Variants in ANKRD17 observed in about 807,000 individuals in gnomAD.
ANKRD17 encodes ankyrin repeat domain-containing protein 17.
A neutral mutation model predicts 229.7 loss-of-function variants in ANKRD17; 19 were observed. The ratio of observed to expected loss-of-function variants is 0.08; its 90% CI spans 0.06 to 0.12. The LOEUF (loss-of-function observed/expected upper bound fraction) is 0.12. Ranked by LOEUF, ANKRD17 falls within the 10% of genes least tolerant of loss-of-function variation. The probability of loss-of-function intolerance (pLI) is 1.00; values close to 1 mark genes in which losing one functional copy is unlikely to be tolerated. For missense variants in ANKRD17, 2,176 were observed against 3,176.8 expected, an observed-to-expected ratio of 0.68 and a Z score of 7.57; for synonymous variants, 1,112 against 1,146.1, an observed-to-expected ratio of 0.97 and a Z score of 0.60.
At chr4:73,214,756 C>A (rs186302400) in intron 1 of ANKRD17, among the ~76,000 whole-genome samples, 21 of 149,676 alleles carry the variant, frequency 1.4e-4, no homozygotes, top group African/African-American at 4.9e-4. Context: ...GTAATGCTAG[C>A]GCTTTAGGAG....
In ANKRD17 at chr4:73,121,763, A is replaced by G. The variant is rs1374902762; in HGVS notation, c.3493-4T>C. The G allele has an allele frequency of 6.4e-7, 1 of 1,574,636 alleles. No individual in the cohort carries two copies. Among genetic ancestry groups the G allele is most frequent in the South Asian group, 1.2e-5 (1 of 84,028 alleles). ...GAGCTAACAATAGCTCCACCACCTG[A>G]AAATAAAATAGAAAAAAATATGTTT... On this transcript the variant is annotated splice_region_variant and splice_polypyrimidine_tract_variant and intron_variant, in intron 18 of 33. Transcript: ENST00000358602.
At chr4:73,147,687 A>C (rs1158080237) in intron 8 of ANKRD17, among the ~76,000 whole-genome samples, 1 of 152,120 alleles carries the variant, frequency 6.6e-6, no homozygotes, top group Non-Finnish European at 1.5e-5. Flanking sequence ...GTCGGGTGAT[A>C]AAAGAACTCA....
At chr4:73,146,657 AAAC>A in intron 10 of ANKRD17, 104 bp downstream of exon 10, 2 of 834,062 alleles carry the variant, frequency 2.4e-6, no homozygotes, top group Non-Finnish European at 3.5e-6. Flanking sequence ...AAAATAAAAA[AAAC>A]AATAAAACTG....
intron 5 of ANKRD17, among the ~76,000 whole-genome samples, chr4:73,154,476 A>G (rs1358879878): frequency 1.3e-5 from 2 of 152,106 alleles, no homozygotes; most frequent in Admixed American, 1.3e-4. Flanking sequence ...AATGCTTCAC[A>G]AGCTTTTTTT....
chr4:73,114,796 G>A (rs959663184), intron 23 of ANKRD17, among the ~76,000 whole-genome samples: 5 of 152,182 alleles, frequency 3.3e-5, no homozygotes, highest in Non-Finnish European at 5.9e-5. Context: ...GGGAAAAGCT[G>A]TTCACTATCA....
At chr4:73,231,821 A>G (rs1415813376) in intron 1 of ANKRD17, among the ~76,000 whole-genome samples, 2 of 152,204 alleles carry the variant, frequency 1.3e-5, no homozygotes, top group African/African-American at 2.4e-5. Flanking sequence ...TCGATCCCCA[A>G]CGGCTGATAG....
Position 73,217,938 on chromosome 4 carries a change from T to C in ANKRD17, c.393+40338A>G, listed in dbSNP as rs75692970. On this transcript the variant is annotated intron_variant, in intron 1 of 33. Coordinates refer to ENST00000358602, the MANE Select transcript of ANKRD17 (RefSeq NM_032217.5). ...CAAACACTTCTGGTCCCAAACATTT[T>C]AGATAAGAAATATTCCACCTAAAGC... Among the ~76,000 whole-genome samples the C allele has an allele frequency of 2.3e-3, 346 of 152,312 alleles. 2 individuals carry two copies. Among genetic ancestry groups the C allele is most frequent in the African/African-American group, 8.1e-3 (337 of 41,562 alleles).
chr4:73,165,516 G>C (rs1434699911), intron 2 of ANKRD17, among the ~76,000 whole-genome samples: 1 of 152,142 alleles, frequency 6.6e-6, no homozygotes, highest in Non-Finnish European at 1.5e-5. Flanking sequence ...TTATTCAGAA[G>C]ACAAACACTG....
chr4:73,205,423 C>T (rs1560720078), intron 1 of ANKRD17, among the ~76,000 whole-genome samples: 1 of 152,026 alleles, frequency 6.6e-6, no homozygotes, highest in South Asian at 2.1e-4. Context: ...GAATAAAGAA[C>T]CCAGAAATCA....
intron 1 of ANKRD17, among the ~76,000 whole-genome samples, chr4:73,200,745 C>T (rs766871795): frequency 2.0e-5 from 3 of 151,980 alleles, no homozygotes; most frequent in Non-Finnish European, 4.4e-5. Context: ...TCTTTCCCAT[C>T]CTTTCTGTCA....
chr4:73,126,863 G>C (rs1727542375), intron 16 of ANKRD17, among the ~76,000 whole-genome samples: 1 of 152,278 alleles, frequency 6.6e-6, no homozygotes, highest in South Asian at 2.1e-4. Flanking sequence ...TTCCTGAGTA[G>C]CTGGGTTTAC....
intron 1 of ANKRD17, among the ~76,000 whole-genome samples, chr4:73,255,765 C>A (rs1745397538): frequency 1.3e-5 from 2 of 151,842 alleles, no homozygotes; most frequent in Admixed American, 1.3e-4. Flanking sequence ...TTCTTGTTGC[C>A]CAGGCTGGAC....
At chr4:73,082,940 T>C (rs1326907318) in intron 30 of ANKRD17, among the ~76,000 whole-genome samples, 2 of 152,204 alleles carry the variant, frequency 1.3e-5, no homozygotes, top group African/African-American at 4.8e-5. Context: ...CACTGCATCA[T>C]AGTTGTTGAA....
At position 73,091,296 on chromosome 4, in the gene ANKRD17, G is replaced by A; in HGVS notation, c.6332C>T (p.Pro2111Leu). Residue 2111 changes from proline to leucine, a missense_variant, in exon 29 of 34, where the codon CCT becomes CTT. Physicochemically the swap from Pro to Leu is moderately conservative, Grantham distance 98. Around this residue, in one of 18 missense-constraint regions of ANKRD17, gnomAD observed 424 missense variants for 454.0 expected, o/e 0.93. Transcript: ENST00000358602. ...TGGTTCCTGAGAAACAGATCCCGGA[G>A]GTTGTTGCTGATTAGAATGAGCTGA... is the stretch of plus-strand genomic sequence containing the variant. ...SSSAHSNQQQ[P>L]PGSVSQEPRP... The A allele has an allele frequency of 6.2e-7, 1 of 1,614,204 alleles. No homozygotes were observed. The highest frequency in any genetic ancestry group is 8.5e-7 in the Non-Finnish European group (1 of 1,180,044).
chr4:73,183,811 A>G (rs538273749), intron 1 of ANKRD17, among the ~76,000 whole-genome samples: 11 of 152,272 alleles, frequency 7.2e-5, no homozygotes, highest in South Asian at 2.1e-4. Flanking sequence ...GTTCATGCTA[A>G]GTCCTTTTAA....
At chr4:73,195,477 G>A (rs867967126) in intron 1 of ANKRD17, among the ~76,000 whole-genome samples, 1 of 151,962 alleles carries the variant, frequency 6.6e-6, no homozygotes. Flanking sequence ...ATATGTGCAC[G>A]AAGTCATGTA....
intron 29 of ANKRD17, among the ~76,000 whole-genome samples, chr4:73,086,948 A>ATATATATATATATC (rs1341807251): frequency 2.2e-5 from 2 of 92,892 alleles, no homozygotes; most frequent in African/African-American, 8.3e-5. Context: ...ATATATATAT[A>ATATATATATATATC]TATATCTGTA....
chr4:73,104,582 A>T (rs1046350972), intron 24 of ANKRD17, among the ~76,000 whole-genome samples: 1 of 152,178 alleles, frequency 6.6e-6, no homozygotes, highest in Non-Finnish European at 1.5e-5. Context: ...TTTTATCTGT[A>T]TCGTATCTGT....
At chr4:73,151,228 T>C (rs571018935) in intron 7 of ANKRD17, among the ~76,000 whole-genome samples, 7 of 152,308 alleles carry the variant, frequency 4.6e-5, no homozygotes, top group African/African-American at 7.2e-5. Context: ...GACTTTGGTA[T>C]AGTTATATGA....
Sources: allele counts gnomAD v4.1 joint callset (sites outside exome capture counted in the v4.1 genomes callset), GRCh38; gene constraint gnomAD v4.1.1; regional missense constraint gnomAD v4.1.1; transcripts MANE v1.5; gene names NCBI Gene and HGNC (gene_info 2026-07-23, HGNC 2026-07-21).